The following PMP22 variants were observed in gnomAD, a reference collection of about 807,000 sequenced individuals.
PMP22 encodes peripheral myelin protein 22.
In PMP22, 2 loss-of-function variants were observed where a neutral mutation model predicts 18.9. The observed-to-expected ratio is 0.11, with a 90% CI of 0.04 to 0.33. The LOEUF is 0.33. PMP22 is among the 10% of genes least tolerant of loss of function. The probability of loss-of-function intolerance (pLI) is 1.00; values close to 1 mark genes in which losing one functional copy is unlikely to be tolerated. For missense variants in PMP22, 169 were observed against 202.2 expected, an observed-to-expected ratio of 0.84 and a Z score of 1.00; for synonymous variants, 95 against 89.2, an observed-to-expected ratio of 1.07 and a Z score of -0.37.
chr17:15,241,239 T>C (rs1209774205), intron 3 of PMP22, among the ~76,000 whole-genome samples: 1 of 152,216 alleles, frequency 6.6e-6, no homozygotes, highest in East Asian at 1.9e-4. Context: ...GCCATCCTGA[T>C]TTCACTCTTA....
chr17:15,260,617 G>A (rs1229718573), intron 2 of PMP22, 33 bp downstream of exon 2: 2 of 1,536,668 alleles, frequency 1.3e-6, no homozygotes, highest in Non-Finnish European at 1.8e-6. Flanking sequence ...GGAAGGGCGG[G>A]CCGCGCAGGG....
chr17:15,240,806 T>C (rs551931125), intron 3 of PMP22, among the ~76,000 whole-genome samples: 1 of 152,306 alleles, frequency 6.6e-6, no homozygotes, highest in East Asian at 1.9e-4. Flanking sequence ...GTAACTGCCA[T>C]ATGTAATGGC....
chr17:15,246,900 T>C (rs951331179), intron 3 of PMP22, among the ~76,000 whole-genome samples: 2 of 149,984 alleles, frequency 1.3e-5, no homozygotes, highest in Admixed American at 6.7e-5. Flanking sequence ...TGAAACCCCG[T>C]CTCTACTAAA....
Position 15,258,592 on chromosome 17 carries a change from AG to A in PMP22, c.178+501del, listed in dbSNP as rs1909033139. On this transcript the variant is annotated intron_variant, in intron 3 of 4. Coordinates refer to ENST00000312280, the MANE Select transcript of PMP22 (RefSeq NM_000304.4). The surrounding 1 kb of genome is among the most constrained non-coding windows in gnomAD (Gnocchi z 4.1). ...GGAAACATTCAAAGGTTTTGATGCT[AG>A]GTGGCATCACTGAGGCCCAAGACCT... 2 of 208,410 alleles carry A rather than the reference AG, an allele frequency of 9.6e-6. No individual in the cohort carries two copies. The highest frequency in any genetic ancestry group is 4.5e-5 in the African/African-American group (2 of 44,212). The allele number at this position is 208,410 out of a possible 1,614,324, so 12.9% of individuals were successfully genotyped here.
intron 1 of PMP22, among the ~76,000 whole-genome samples, chr17:15,263,222 C>T (rs1463244859): frequency 6.6e-6 from 1 of 152,202 alleles, no homozygotes. Context: ...GATTGGGCTC[C>T]TCCTAGCCTA....
intron 3 of PMP22, among the ~76,000 whole-genome samples, chr17:15,248,413 C>G (rs796273288): frequency 6.6e-6 from 1 of 152,226 alleles, no homozygotes; most frequent in African/African-American, 2.4e-5. Flanking sequence ...AACTTTGATA[C>G]AGTTATTCAA....
At chr17:15,232,456 T>C (rs1300500933) in intron 4 of PMP22, 1 of 152,224 alleles carries the variant, frequency 6.6e-6, no homozygotes, top group Non-Finnish European at 1.5e-5. Flanking sequence ...GCAGTTTTGA[T>C]CTGCTGGGGA....
At chr17:15,243,406 GA>G (rs894669173) in intron 3 of PMP22, among the ~76,000 whole-genome samples, 3 of 151,404 alleles carry the variant, frequency 2.0e-5, no homozygotes, top group African/African-American at 7.3e-5. Flanking sequence ...ACTGGAACTG[GA>G]AAAAAATCAA....
rs1229843204 is a variant in PMP22, at chr17:15,250,653, C to A, written c.178+8441G>T. ...AAACGTAGAGTCATCTAGAATCATT[C>A]TTCCCTAACTCCCTACATCTAACCC... On this transcript the variant is annotated intron_variant, in intron 3 of 4. Transcript: ENST00000312280. Among the ~76,000 whole-genome samples, 3 of 152,312 alleles carry A rather than the reference C, an allele frequency of 2.0e-5. No homozygotes were observed. The East Asian group carries it at 5.8e-4, about 29-fold the overall frequency.
intron 1 of PMP22, chr17:15,262,501 T>C (rs1037439496): frequency 2.6e-5 from 4 of 152,248 alleles, no homozygotes; most frequent in African/African-American, 9.7e-5. Flanking sequence ...GCTCCGCTGC[T>C]GGCGCCGCCA....
In PMP22 at chr17:15,250,678, C is replaced by T. The variant is rs563579529; in HGVS notation, c.178+8416G>A. On this transcript the variant is annotated intron_variant, in intron 3 of 4. Coordinates refer to ENST00000312280, the MANE Select transcript of PMP22 (RefSeq NM_000304.4). ...CTTCCCTAACTCCCTACATCTAACCCATCAGCAAACCCTGTCATGAGACCT... is the reference window on the plus strand; with the variant it reads ...CTTCCCTAACTCCCTACATCTAACCTATCAGCAAACCCTGTCATGAGACCT... Among the ~76,000 whole-genome samples the T allele has an allele frequency of 2.6e-5, 4 of 152,304 alleles. No homozygotes were observed. In the South Asian group the frequency reaches 8.3e-4, roughly 32 times the overall value.
In PMP22 at chr17:15,264,773, C is replaced by T. The variant is rs3886590; in HGVS notation, c.-35+381G>A. Among the ~76,000 whole-genome samples the T allele has an allele frequency of 8.7e-3, 1,318 of 152,298 alleles. 20 individuals carry two copies. The highest frequency in any genetic ancestry group is 0.03 in the African/African-American group (1,234 of 41,570). ...GTGCCTGCTGACCAGGCTTGCCACA[C>T]CCAGAGCCCGGCTGGCCAAGGCTCT... On this transcript the variant is annotated intron_variant, in intron 1 of 4. Coordinates refer to ENST00000312280, the MANE Select transcript of PMP22 (RefSeq NM_000304.4).
At chr17:15,257,580 A>T (rs1329549124) in intron 3 of PMP22, among the ~76,000 whole-genome samples, 2 of 152,248 alleles carry the variant, frequency 1.3e-5, no homozygotes, top group Non-Finnish European at 2.9e-5. Context: ...AACTTCAGCC[A>T]GACCCTAAAG....
At chr17:15,250,470 C>A (rs1908239519) in intron 3 of PMP22, among the ~76,000 whole-genome samples, 2 of 152,164 alleles carry the variant, frequency 1.3e-5, no homozygotes, top group Non-Finnish European at 2.9e-5. Context: ...CAGACCTCTC[C>A]CCTAAGCCAA....
Position 15,259,304 on chromosome 17 carries a change from C to T in PMP22, c.79-111G>A, listed in dbSNP as rs1909104997. The T allele has an allele frequency of 7.4e-6, 6 of 814,952 alleles. No individual in the cohort carries two copies. The South Asian group carries it at 8.6e-5, about 12-fold the overall frequency. The allele number at this position is 814,952 out of a possible 1,614,324, so 50.5% of individuals were successfully genotyped here. On this transcript the variant is annotated intron_variant, in intron 2 of 4. Transcript: ENST00000312280. ...AAAAGCACCCGCATCCACCTAGCCA[C>T]ACCGCCCACCCCTGCATGGTAAGAG...
intron 2 of PMP22, 128 bp downstream of exon 2, chr17:15,260,522 C>T: frequency 1.2e-6 from 1 of 827,462 alleles, no homozygotes; most frequent in East Asian, 2.7e-5. Context: ...TTGCCAGAAA[C>T]TTCCCTGGGA....
At chr17:15,244,705 A>G (rs1907640775) in intron 3 of PMP22, among the ~76,000 whole-genome samples, 2 of 152,228 alleles carry the variant, frequency 1.3e-5, no homozygotes, top group Non-Finnish European at 2.9e-5. Flanking sequence ...TATGAAAACA[A>G]ACACCAAAAA....
chr17:15,260,433 G>C (rs1455513854), intron 2 of PMP22: 3 of 620,634 alleles, frequency 4.8e-6, no homozygotes, highest in African/African-American at 1.8e-5. Flanking sequence ...GACCTGCGCA[G>C]CTAACCCAGC....
At chr17:15,262,058 G>A (rs1909385449) in intron 1 of PMP22, among the ~76,000 whole-genome samples, 1 of 152,210 alleles carries the variant, frequency 6.6e-6, no homozygotes, top group Admixed American at 6.5e-5. Context: ...GATGGCAGGA[G>A]GCTGGGAACT....
Sources: gnomAD v4.1 joint callset for allele counts (sites outside exome capture counted in the v4.1 genomes callset) on GRCh38, gnomAD v4.1.1 for gene constraint, Gnocchi (gnomAD v3.1) non-coding constraint, MANE v1.5 for transcripts, NCBI Gene and HGNC (gene_info 2026-07-23, HGNC 2026-07-21) for gene names.